The following CADPS2 variants were observed in gnomAD, a reference collection of about 807,000 sequenced individuals.
The protein encoded by CADPS2 is calcium dependent secretion activator 2.
Under a neutral mutation model 172.5 loss-of-function variants are expected in CADPS2, and 93 were observed. The ratio of observed to expected loss-of-function variants is 0.54; its 90% CI spans 0.46 to 0.64. CADPS2 has a LOEUF of 0.64. CADPS2 is among the 30% of genes least tolerant of loss of function. CADPS2 has a pLI of 0.00. For missense variants in CADPS2, 1,420 were observed against 1,565.9 expected (o/e 0.91, Z 1.57); for synonymous variants, 546 against 555.2 (o/e 0.98, Z 0.23).
chr7:122,368,027 T>C (rs1057206306), intron 25 of CADPS2: 1 of 152,252 alleles, frequency 6.6e-6, no homozygotes, highest in African/African-American at 2.4e-5. Flanking sequence ...TTTAAATACC[T>C]TGTGATTACA....
At chr7:122,754,163 A>G (rs2093064319) in intron 1 of CADPS2, among the ~76,000 whole-genome samples, 1 of 152,176 alleles carries the variant, frequency 6.6e-6, no homozygotes, top group Non-Finnish European at 1.5e-5. Context: ...TTTCATTGCA[A>G]TTAATTTGCT....
At chr7:122,681,369 C>T in intron 2 of CADPS2, 2 of 1,500,574 alleles carry the variant, frequency 1.3e-6, no homozygotes, top group Non-Finnish European at 1.8e-6. Flanking sequence ...CGGCCACGTG[C>T]AACCTGTTCG....
chr7:122,506,756 A>C (rs1300295843), intron 9 of CADPS2, among the ~76,000 whole-genome samples: 2 of 151,526 alleles, frequency 1.3e-5, no homozygotes, highest in Non-Finnish European at 2.9e-5. Context: ...AACAAACTAC[A>C]CCAGAGCTGA....
intron 1 of CADPS2, among the ~76,000 whole-genome samples, chr7:122,881,184 T>C (rs1822837653): frequency 6.6e-6 from 1 of 152,194 alleles, no homozygotes; most frequent in Non-Finnish European, 1.5e-5. Flanking sequence ...TGAAGAGAGC[T>C]GTTTCCATTA....
chr7:122,615,364 G>A, intron 5 of CADPS2, 65 bp from the exon 6 acceptor site: 1 of 1,087,204 alleles, frequency 9.2e-7, no homozygotes, highest in Non-Finnish European at 1.3e-6. Flanking sequence ...TACATAAACA[G>A]CAGCATGAAC....
At position 122,645,592 on chromosome 7, in the gene CADPS2, T is replaced by TTATA. The variant is rs74221978; in HGVS notation, c.787-16268_787-16265dup. Among the ~76,000 whole-genome samples the TTATA allele has an allele frequency of 8.2e-3, 1,011 of 123,634 alleles. 13 individuals are homozygous for TTATA. The highest frequency in any genetic ancestry group is 0.012 in the Admixed American group (133 of 11,388). The allele number at this position is 123,634 out of a possible 152,430, so 81.1% of individuals were successfully genotyped here. ...ATGCATATTCTCTAGGCTATAGAGA[T>TTATA]TATATATATATATACACACACACTA... is the stretch of plus-strand genomic sequence containing the variant. On this transcript the variant is annotated intron_variant, in intron 3 of 29. Coordinates refer to ENST00000449022, the MANE Select transcript of CADPS2 (RefSeq NM_017954.11).
At chr7:122,438,738 G>A (rs1182189766) in intron 16 of CADPS2, among the ~76,000 whole-genome samples, 1 of 151,960 alleles carries the variant, frequency 6.6e-6, no homozygotes, top group Non-Finnish European at 1.5e-5. Flanking sequence ...TCACCATTCA[G>A]TGTGACTGTC....
At chr7:122,780,542 T>C (rs1407815622) in intron 1 of CADPS2, among the ~76,000 whole-genome samples, 1 of 152,072 alleles carries the variant, frequency 6.6e-6, no homozygotes, top group East Asian at 1.9e-4. Context: ...ATTTAGCCCA[T>C]TCTGGGTTTG....
intron 25 of CADPS2, among the ~76,000 whole-genome samples, chr7:122,363,580 T>A (rs1418693115): frequency 6.6e-6 from 1 of 151,790 alleles, no homozygotes; most frequent in Non-Finnish European, 1.5e-5. Flanking sequence ...TGCCGCTGTC[T>A]GGCTACGAGA....
At chr7:122,707,572 T>C (rs1454844065) in intron 2 of CADPS2, among the ~76,000 whole-genome samples, 1 of 152,018 alleles carries the variant, frequency 6.6e-6, no homozygotes, top group African/African-American at 2.4e-5. Context: ...TATAATATCA[T>C]GAGAGCTCTC....
intron 1 of CADPS2, among the ~76,000 whole-genome samples, chr7:122,880,778 G>C (rs1444270859): frequency 2.0e-5 from 3 of 152,064 alleles, no homozygotes; most frequent in Admixed American, 1.3e-4. Flanking sequence ...AAAACATTTA[G>C]GTAACTGAAA....
chr7:122,389,191 G>A (rs910401185), intron 22 of CADPS2, among the ~76,000 whole-genome samples: 16 of 151,984 alleles, frequency 1.1e-4, no homozygotes, highest in Admixed American at 2.0e-4. Context: ...CTATCTACAC[G>A]TGTGTAGAAC....
Position 122,377,727 on chromosome 7 carries a change from T to TC in CADPS2, c.3387+1640dup, listed in dbSNP as rs571994420. ...CTTGATTCTCCAGTAGTTCACCCCT[T>TC]CCCCCCATGGTTTTCCTATTATTTT... On this transcript the variant is annotated intron_variant, in intron 25 of 29. Coordinates refer to ENST00000449022, the MANE Select transcript of CADPS2 (RefSeq NM_017954.11). Among the ~76,000 whole-genome samples the TC allele has an allele frequency of 1.2e-4, 18 of 152,188 alleles. 1 individual carries two copies. The South Asian group carries it at 3.1e-3, about 26-fold the overall frequency.
intron 1 of CADPS2, among the ~76,000 whole-genome samples, chr7:122,846,512 T>C (rs1363672541): frequency 2.0e-5 from 3 of 152,338 alleles, no homozygotes; most frequent in African/African-American, 7.2e-5. Context: ...GATTATTTAA[T>C]TGAACTATAT....
chr7:122,384,034 C>T (rs757428), intron 24 of CADPS2, among the ~76,000 whole-genome samples: 47,415 of 151,916 alleles, frequency 0.31, 7,426 homozygotes, highest in East Asian at 0.4. Flanking sequence ...TGTGCAGTTA[C>T]GGATAATGAG....
chr7:122,803,891 TTAA>T (rs1157482425), intron 1 of CADPS2, among the ~76,000 whole-genome samples: 2 of 150,928 alleles, frequency 1.3e-5, no homozygotes, highest in Non-Finnish European at 2.9e-5. Context: ...GATGGGTTAC[TTAA>T]TAAAGTGAGA....
chr7:122,706,799 TAC>T (rs1467118608), intron 2 of CADPS2, among the ~76,000 whole-genome samples: 85 of 144,116 alleles, frequency 5.9e-4, no homozygotes, highest in African/African-American at 1.0e-3. Flanking sequence ...CATATATATA[TAC>T]ACACACACAC....
chr7:122,708,667 A>G (rs551307342), intron 2 of CADPS2, among the ~76,000 whole-genome samples: 5 of 151,388 alleles, frequency 3.3e-5, no homozygotes, highest in African/African-American at 1.2e-4. Context: ...ATCCATTTAA[A>G]TTGTAATGGG....
chr7:122,637,208 T>TTTTTTTCTCTC (rs778963218), intron 3 of CADPS2, among the ~76,000 whole-genome samples: 2 of 62,664 alleles, frequency 3.2e-5, no homozygotes, highest in East Asian at 6.9e-4. Flanking sequence ...TTTTTTTTTT[T>TTTTTTTCTCTC]CCTGAGACAG....
Sources: allele counts gnomAD v4.1 joint callset (sites outside exome capture counted in the v4.1 genomes callset), GRCh38; gene constraint gnomAD v4.1.1; transcripts MANE v1.5; gene names NCBI Gene and HGNC (gene_info 2026-07-23, HGNC 2026-07-21).